Variants in LRP1 observed in about 807,000 individuals in gnomAD.
The protein encoded by LRP1 is LDL receptor related protein 1.
A neutral mutation model predicts 541.5 loss-of-function variants in LRP1; 51 were observed. The ratio of observed to expected loss-of-function variants is 0.09; its 90% CI spans 0.08 to 0.12. The LOEUF (loss-of-function observed/expected upper bound fraction) is 0.12. Ranked by LOEUF, LRP1 falls within the 10% of genes least tolerant of loss-of-function variation. LRP1 has a pLI of 1.00. For missense variants in LRP1, 3,878 were observed against 6,376.2 expected, an observed-to-expected ratio of 0.61 and a Z score of 13.34; for synonymous variants, 2,219 against 2,470.8, an observed-to-expected ratio of 0.90 and a Z score of 3.02.
chr12:57,200,629 T>C, intron 63 of LRP1, 70 bp from the exon 64 acceptor site: 1 of 1,543,208 alleles, frequency 6.5e-7, no homozygotes. Context: ...GCTGGGGCTG[T>C]GGTGCCCTGC....
intron 10 of LRP1, among the ~76,000 whole-genome samples, chr12:57,157,791 CCA>C (rs2136677873): frequency 6.6e-6 from 1 of 152,258 alleles, no homozygotes; most frequent in African/African-American, 2.4e-5. Context: ...GGCCCTGAGG[CCA>C]GTGTGAGTGT....
Position 57,165,699 on chromosome 12 carries a change from G to T in LRP1, c.2531-106G>T. 2 of 1,159,588 alleles carry T rather than the reference G, an allele frequency of 1.7e-6. No homozygotes were observed. 71.8% of individuals were successfully genotyped at this position (1,159,588 alleles called of 1,614,324 possible). ...ATTTTGTACTAGAAAAAATTACTTT[G>T]TATTATTAAAAAATAGTAAAACAAA... On this transcript the variant is annotated intron_variant, in intron 15 of 88. Transcript: ENST00000243077. The surrounding 1 kb of genome is among the most constrained non-coding windows in gnomAD (Gnocchi z 4.5).
chr12:57,199,806 G>C, intron 61 of LRP1, 71 bp from the exon 62 acceptor site: 1 of 1,529,346 alleles, frequency 6.5e-7, no homozygotes, highest in Non-Finnish European at 8.8e-7. Flanking sequence ...CTCTGTCCAG[G>C]ATAGAGTGAG....
intron 1 of LRP1, among the ~76,000 whole-genome samples, chr12:57,135,786 G>C (rs960691016): frequency 3.9e-5 from 6 of 152,136 alleles, no homozygotes; most frequent in Non-Finnish European, 5.9e-5. Context: ...TTTGGAGTTT[G>C]CCAGCTGCTG....
chr12:57,185,993 A>T lies in LRP1; in HGVS notation c.6841+85A>T. ...CTCTTAGACCCCAGCCAGGCACTCTACCCTAGGTCTGAATCCCAGCAGCTA... is the reference window on the plus strand; with the variant it reads ...CTCTTAGACCCCAGCCAGGCACTCTTCCCTAGGTCTGAATCCCAGCAGCTA... On this transcript the variant is annotated intron_variant, in intron 41 of 88. Coordinates refer to ENST00000243077, the MANE Select transcript of LRP1 (RefSeq NM_002332.3). This position sits in a 1 kb window ranked among gnomAD's most constrained non-coding sequence, Gnocchi z 4.9. 7.0e-7 allele frequency: 1 copy of T among 1,436,664 alleles called. No individual in the cohort carries two copies. The highest frequency in any genetic ancestry group is 9.3e-7 in the Non-Finnish European group (1 of 1,076,692). 89.0% of individuals were successfully genotyped at this position (1,436,664 alleles called of 1,614,324 possible). A position where few individuals can be genotyped will look rare whatever the true frequency, so the allele number is the denominator to read the frequency against.
Position 57,204,444 on chromosome 12 carries a change from C to T in LRP1, c.10986C>T (p.Asn3662=), listed in dbSNP as rs976689849. 16 of 1,559,350 alleles carry T rather than the reference C, an allele frequency of 1.0e-5. No homozygotes were observed. The highest frequency in any genetic ancestry group is 2.7e-5 in the African/African-American group (2 of 73,440). ...GCCCCCTGGACGAGTTCCAGTGCAACAACACCTTGTGCAAGCCGCTGGCCT... is the reference window on the plus strand; with the variant it reads ...GCCCCCTGGACGAGTTCCAGTGCAATAACACCTTGTGCAAGCCGCTGGCCT... ...RTCPLDEFQC[N]NTLCKPLAWK... is the part of the protein sequence containing the mutation. The change falls in exon 71 of 89, where the codon AAC becomes AAT. Residue 3662 remains asparagine, a synonymous_variant. Transcript: ENST00000243077. The surrounding 1 kb of genome is among the most constrained non-coding windows in gnomAD (Gnocchi z 5.3).
intron 61 of LRP1, 28 bp downstream of exon 61, chr12:57,199,428 G>A (rs370186029): frequency 6.9e-4 from 1,100 of 1,596,300 alleles, no homozygotes; most frequent in Non-Finnish European, 8.2e-4. Context: ...GGGAGCAGGC[G>A]AACGGTGAGC....
chr12:57,145,219 A>G lies in LRP1; in HGVS notation c.578-8A>G, dbSNP rs570042459. 22 of 1,613,884 alleles carry G rather than the reference A, an allele frequency of 1.4e-5. No individual in the cohort carries two copies. Among genetic ancestry groups the G allele is most frequent in the Non-Finnish European group, 1.7e-5 (20 of 1,179,942 alleles). ...GGCTGCACGGACTCTTCTCTTCCCC[A>G]TTCCCAGAGCCAGTAGACCGGCCCC... is the stretch of plus-strand genomic sequence containing the variant. On this transcript the variant is annotated splice_region_variant and splice_polypyrimidine_tract_variant and intron_variant, in intron 5 of 88. Coordinates refer to ENST00000243077, the MANE Select transcript of LRP1 (RefSeq NM_002332.3).
chr12:57,128,530 G>A lies in LRP1; in HGVS notation c.-435G>A, dbSNP rs1294473390. 1.4e-5 allele frequency: 5 copies of A among 365,154 alleles called. No individual in the cohort carries two copies. The highest frequency in any genetic ancestry group is 2.4e-5 in the Non-Finnish European group (5 of 205,244). 22.6% of individuals were successfully genotyped at this position (365,154 alleles called of 1,614,324 possible). The stretch of plus-strand genomic sequence containing the variant: ...TGCGAGCTCCAGGCCCATGCACTGA[G>A]GAGGCGGAAACAAGGGGAGCCCCCA... On this transcript the variant is annotated 5_prime_UTR_variant, in exon 1 of 89. Coordinates refer to ENST00000243077, the MANE Select transcript of LRP1 (RefSeq NM_002332.3).
rs1181114107 is a variant in LRP1, at chr12:57,198,423, G to T, written c.9471-42G>T. 5 of 1,608,108 alleles carry T rather than the reference G, an allele frequency of 3.1e-6. No homozygotes were observed. In the South Asian group the frequency reaches 5.5e-5, roughly 18 times the overall value. ...CTCCCTGCAGGCCACTGGTGCGATG[G>T]GTTACGGGATCTCCCAGGGCTCACT... On this transcript the variant is annotated intron_variant, in intron 59 of 88. Coordinates refer to ENST00000243077, the MANE Select transcript of LRP1 (RefSeq NM_002332.3).
chr12:57,139,222 T>C (rs891381959), intron 2 of LRP1, among the ~76,000 whole-genome samples: 1 of 152,106 alleles, frequency 6.6e-6, no homozygotes, highest in African/African-American at 2.4e-5. Flanking sequence ...CCTGCTTGGT[T>C]AATCTGGGCC....
intron 6 of LRP1, chr12:57,149,868 T>TCCG: frequency 1.5e-6 from 1 of 656,908 alleles, no homozygotes; most frequent in Non-Finnish European, 2.8e-6. Context: ...CCTCAGACTC[T>TCCG]CCGCCATCTC....
chr12:57,138,986 T>C (rs1025933298), intron 2 of LRP1, among the ~76,000 whole-genome samples: 2 of 152,236 alleles, frequency 1.3e-5, no homozygotes, highest in Non-Finnish European at 2.9e-5. Context: ...CAGAGGCCAC[T>C]GGCACTTGCT....
chr12:57,137,919 G>T (rs1359591477), intron 1 of LRP1, among the ~76,000 whole-genome samples: 4 of 152,144 alleles, frequency 2.6e-5, no homozygotes, highest in Admixed American at 1.3e-4. Context: ...TGTGCCAAGG[G>T]CATCCCTCCC....
chr12:57,162,003 G>A lies in LRP1; in HGVS notation c.2203-314G>A, dbSNP rs528450210. Among the ~76,000 whole-genome samples the A allele has an allele frequency of 4.4e-4, 66 of 148,790 alleles. No individual in the cohort carries two copies. Among genetic ancestry groups the A allele is most frequent in the Non-Finnish European group, 7.9e-4 (54 of 67,970 alleles). ...TGTGTGCGCGCACGCATATGAGTGT[G>A]TGTGTGTGTGTGTGCACGTATGTGT... On this transcript the variant is annotated intron_variant, in intron 13 of 88. Transcript: ENST00000243077. This position sits in a 1 kb window ranked among gnomAD's most constrained non-coding sequence, Gnocchi z 5.2.
At chr12:57,144,857 G>C in intron 4 of LRP1, 115 bp from the exon 5 acceptor site, 1 of 1,059,206 alleles carries the variant, frequency 9.4e-7, no homozygotes, top group South Asian at 1.4e-5. Context: ...AGATTCTGCC[G>C]AACTGTCCTT....
In LRP1 at chr12:57,184,054, C is replaced by T. The variant is rs1326290003; in HGVS notation, c.5930-31C>T. The stretch of plus-strand genomic sequence containing the variant: ...ACCAGGTCCACCTGTCCTCACCTAA[C>T]CTCCCTGAGCCCCACCAACTCCCTC... On this transcript the variant is annotated intron_variant, in intron 36 of 88. Transcript: ENST00000243077. This position sits in a 1 kb window ranked among gnomAD's most constrained non-coding sequence, Gnocchi z 7.8. 6.2e-7 allele frequency: 1 copy of T among 1,607,800 alleles called. No individual in the cohort carries two copies. Among genetic ancestry groups the T allele is most frequent in the African/African-American group, 1.3e-5 (1 of 74,828 alleles).
intron 81 of LRP1, 64 bp downstream of exon 81, chr12:57,210,233 C>A: frequency 1.3e-6 from 2 of 1,550,196 alleles, no homozygotes. Flanking sequence ...TGGCTCCTGA[C>A]TTCCCCTGAC....
Position 57,198,678 on chromosome 12 carries a change from T to G in LRP1, c.9676+8T>G. On this transcript the variant is annotated splice_region_variant and intron_variant, in intron 60 of 88. Coordinates refer to ENST00000243077, the MANE Select transcript of LRP1 (RefSeq NM_002332.3). ...GCTCCAATCGCCACGTTGGTCAGTG[T>G]GCCAGTGAGGCTGTCCAGGCACAGC... 1 of 1,602,116 alleles carries G rather than the reference T, an allele frequency of 6.2e-7. No individual in the cohort carries two copies. The highest frequency in any genetic ancestry group is 8.5e-7 in the Non-Finnish European group (1 of 1,174,804).
Sources: allele counts gnomAD v4.1 joint callset (sites outside exome capture counted in the v4.1 genomes callset), GRCh38; gene constraint gnomAD v4.1.1; non-coding constraint Gnocchi (gnomAD v3.1); transcripts MANE v1.5; gene names NCBI Gene and HGNC (gene_info 2026-07-23, HGNC 2026-07-21).